ADGRL2: variants seen among roughly 807,000 people sequenced by gnomAD.
ADGRL2 encodes the protein adhesion G protein-coupled receptor L2, also known as calcium-independent alpha-latrotoxin receptor 2.
A neutral mutation model predicts 157.4 loss-of-function variants in ADGRL2; 44 were observed. That is an observed-to-expected ratio of 0.28 (90% confidence interval 0.22 to 0.36). ADGRL2 has a LOEUF of 0.36. Ranked by LOEUF, ADGRL2 falls within the 10% of genes least tolerant of loss-of-function variation. The probability of loss-of-function intolerance (pLI) is 1.00; values close to 1 mark genes in which losing one functional copy is unlikely to be tolerated. For missense variants in ADGRL2, 1,510 were observed against 1,768.9 expected (o/e 0.85, Z 2.63); for synonymous variants, 585 against 624.7 (o/e 0.94, Z 0.95).
At chr1:81,667,582 G>C (rs1260570086) in intron 3 of ADGRL2, among the ~76,000 whole-genome samples, 1 of 151,932 alleles carries the variant, frequency 6.6e-6, no homozygotes, top group Middle Eastern at 3.2e-3. Flanking sequence ...TTTTTATCTT[G>C]TTGTCATTAT....
intron 1 of ADGRL2, among the ~76,000 whole-genome samples, chr1:81,757,487 G>A (rs544111608): frequency 4.2e-4 from 64 of 152,246 alleles, no homozygotes; most frequent in African/African-American, 1.4e-3. Flanking sequence ...GCCACTCATA[G>A]ACTGCTAAGT....
intron 16 of ADGRL2, 55 bp from the exon 17 acceptor site, chr1:81,971,797 T>G: frequency 1.1e-6 from 1 of 902,450 alleles, no homozygotes; most frequent in Non-Finnish European, 1.8e-6. Flanking sequence ...ATTTTCCTTG[T>G]GATGTTGAGG....
At chr1:81,834,573 G>A (rs950345910) in intron 1 of ADGRL2, among the ~76,000 whole-genome samples, 4 of 152,120 alleles carry the variant, frequency 2.6e-5, no homozygotes, top group Admixed American at 2.6e-4. Flanking sequence ...TAAAACTTGG[G>A]TCACAGCAGT....
At chr1:81,986,426 T>C (rs575459391) in intron 21 of ADGRL2, among the ~76,000 whole-genome samples, 1 of 152,084 alleles carries the variant, frequency 6.6e-6, no homozygotes, top group East Asian at 1.9e-4. Context: ...TTTCTACCTG[T>C]CTGTGAAAGT....
rs76099574 is a variant in ADGRL2 at position 81,425,432 on chromosome 1, C to T, written c.-301-19604C>T. Among the ~76,000 whole-genome samples, 413 of 152,088 alleles carry T rather than the reference C, an allele frequency of 2.7e-3. 2 individuals carry two copies. Among genetic ancestry groups the T allele is most frequent in the African/African-American group, 9.4e-3 (388 of 41,494 alleles). ...AATTAAAAAAAAAATCTGTGTTAAACGTGCATTAGGTACACTTGGGCTTAT... is the reference window on the plus strand; with the variant it reads ...AATTAAAAAAAAAATCTGTGTTAAATGTGCATTAGGTACACTTGGGCTTAT... On this transcript the variant is annotated intron_variant, in intron 1 of 24. Coordinates refer to the ADGRL2 transcript ENST00000370721.
At chr1:81,785,580 C>A (rs1454841452) in intron 2 of ADGRL2, among the ~76,000 whole-genome samples, 2 of 151,788 alleles carry the variant, frequency 1.3e-5, no homozygotes, top group Non-Finnish European at 2.9e-5. Flanking sequence ...AATTAAAAAT[C>A]AGCTGGGCAT....
At chr1:81,418,534 G>A (rs916288490) in intron 1 of ADGRL2, among the ~76,000 whole-genome samples, 2 of 152,100 alleles carry the variant, frequency 1.3e-5, no homozygotes, top group African/African-American at 2.4e-5. Flanking sequence ...GGCAGATCAC[G>A]AGGTCAGGAA....
At chr1:81,425,321 A>C (rs1262510323) in intron 1 of ADGRL2, among the ~76,000 whole-genome samples, 2 of 152,072 alleles carry the variant, frequency 1.3e-5, no homozygotes, top group African/African-American at 4.8e-5. Context: ...TTCATTTACT[A>C]CCAGTTCTCA....
At chr1:81,476,181 G>C (rs1208443617) in intron 2 of ADGRL2, among the ~76,000 whole-genome samples, 1 of 151,238 alleles carries the variant, frequency 6.6e-6, no homozygotes, top group Non-Finnish European at 1.5e-5. Flanking sequence ...GAAAGAAAAA[G>C]AAAAAAAGGA....
chr1:81,471,210 A>G (rs1423775016), intron 2 of ADGRL2, among the ~76,000 whole-genome samples: 2 of 152,172 alleles, frequency 1.3e-5, no homozygotes, highest in African/African-American at 2.4e-5. Context: ...TATTTTATAC[A>G]TTTCTTGGGC....
At chr1:81,480,933 C>A (rs565675144) in intron 2 of ADGRL2, among the ~76,000 whole-genome samples, 1 of 152,134 alleles carries the variant, frequency 6.6e-6, no homozygotes, top group Non-Finnish European at 1.5e-5. Flanking sequence ...TTCTCCTGAA[C>A]GTCTGTATCC....
At chr1:81,611,106 G>T (rs1174690962) in intron 3 of ADGRL2, among the ~76,000 whole-genome samples, 1 of 152,156 alleles carries the variant, frequency 6.6e-6, no homozygotes, top group Non-Finnish European at 1.5e-5. Context: ...TGCTATCCAT[G>T]CCTTTCAGCA....
intron 2 of ADGRL2, among the ~76,000 whole-genome samples, chr1:81,850,471 G>T (rs1189178425): frequency 1.3e-5 from 2 of 151,814 alleles, no homozygotes; most frequent in Non-Finnish European, 2.9e-5. Flanking sequence ...AATCTAAAAG[G>T]CATGGTGTGA....
intron 1 of ADGRL2, among the ~76,000 whole-genome samples, chr1:81,718,557 G>C (rs1485562490): frequency 6.6e-6 from 1 of 152,044 alleles, no homozygotes; most frequent in East Asian, 1.9e-4. Flanking sequence ...TTTGCAGACT[G>C]TCCTGTTCAT....
intron 2 of ADGRL2, among the ~76,000 whole-genome samples, chr1:81,783,139 T>G (rs1358598723): frequency 3.3e-5 from 5 of 152,242 alleles, no homozygotes; most frequent in Non-Finnish European, 5.9e-5. Flanking sequence ...ATTTATTTAT[T>G]TTGAGACAGA....
At chr1:81,613,607 A>AG (rs5775625) in intron 3 of ADGRL2, among the ~76,000 whole-genome samples, 151,031 of 152,334 alleles carry the variant, frequency 0.99, 74,874 homozygotes, top group Middle Eastern at 1. Context: ...AGTGAAGAAA[A>AG]TTCTCCTACT....
intron 1 of ADGRL2, among the ~76,000 whole-genome samples, chr1:81,727,670 A>T (rs1352072646): frequency 6.6e-6 from 1 of 152,072 alleles, no homozygotes; most frequent in Non-Finnish European, 1.5e-5. Context: ...TGACCTCATG[A>T]TCCGTCCGCC....
At chr1:81,429,674 G>T (rs2077284240) in intron 1 of ADGRL2, among the ~76,000 whole-genome samples, 1 of 152,134 alleles carries the variant, frequency 6.6e-6, no homozygotes, top group Non-Finnish European at 1.5e-5. Flanking sequence ...ACCAAACAGT[G>T]CAGGCTCTGT....
intron 1 of ADGRL2, among the ~76,000 whole-genome samples, chr1:81,735,508 G>A (rs2084864803): frequency 6.6e-6 from 1 of 152,066 alleles, no homozygotes; most frequent in African/African-American, 2.4e-5. Flanking sequence ...GGTGTAAGTT[G>A]GCCAGGCATG....
Sources: allele counts gnomAD v4.1 joint callset (sites outside exome capture counted in the v4.1 genomes callset), GRCh38; gene constraint gnomAD v4.1.1; transcripts MANE v1.5; gene names NCBI Gene and HGNC (gene_info 2026-07-23, HGNC 2026-07-21).